SCN7A: variants seen among roughly 807,000 people sequenced by gnomAD.
SCN7A encodes the protein sodium channel protein type 7 subunit alpha.
Under a neutral mutation model 155.2 loss-of-function variants are expected in SCN7A, and 138 were observed. The ratio of observed to expected loss-of-function variants is 0.89; its 90% CI spans 0.77 to 1.02. The LOEUF (loss-of-function observed/expected upper bound fraction) is 1.02. Among genes scored for constraint, SCN7A ranks in the 50% least tolerant of loss-of-function variants. The pLI is 0.00. For missense variants in SCN7A, 2,058 were observed against 1,986.6 expected, an observed-to-expected ratio of 1.04 and a Z score of -0.68; for synonymous variants, 693 against 649.0, an observed-to-expected ratio of 1.07 and a Z score of -1.03.
At chr2:166,426,812 T>G (rs2105401268) in intron 18 of SCN7A, among the ~76,000 whole-genome samples, 1 of 152,150 alleles carries the variant, frequency 6.6e-6, no homozygotes, top group Middle Eastern at 3.4e-3. Flanking sequence ...GTGAAAATCA[T>G]TCCTGCTGCA....
In SCN7A at chr2:166,429,161, T is replaced by G. The variant is rs1023433039; in HGVS notation, c.2698+8A>C. ...AGTTTCCTAGCAAGATTAACAAAAT[T>G]TTCTTACCATTTTTCAGATGCTTTG... On this transcript the variant is annotated splice_region_variant and intron_variant, in intron 17 of 25. Coordinates refer to ENST00000643258, the MANE Select transcript of SCN7A (RefSeq NM_002976.4). 6.7e-7 allele frequency: 1 copy of G among 1,497,156 alleles called. No homozygotes were observed. The highest frequency in any genetic ancestry group is 1.4e-5 in the African/African-American group (1 of 70,488). The allele number at this position is 1,497,156 out of a possible 1,614,324, so 92.7% of individuals were successfully genotyped here. A position where few individuals can be genotyped will look rare whatever the true frequency, so the allele number is the denominator to read the frequency against.
chr2:166,424,239 A>C (rs1701573525), intron 18 of SCN7A, among the ~76,000 whole-genome samples: 1 of 152,092 alleles, frequency 6.6e-6, no homozygotes, highest in South Asian at 2.1e-4. Flanking sequence ...AGTTCTTAAA[A>C]ATTTTATTTT....
In SCN7A at chr2:166,429,157, A is replaced by C; in HGVS notation, c.2698+12T>G. ...AATTAGTTTCCTAGCAAGATTAACA[A>C]AATTTTCTTACCATTTTTCAGATGC... On this transcript the variant is annotated intron_variant, in intron 17 of 25. Coordinates refer to ENST00000643258, the MANE Select transcript of SCN7A (RefSeq NM_002976.4). 2 of 1,490,582 alleles carry C rather than the reference A, an allele frequency of 1.3e-6. No homozygotes were observed. The highest frequency in any genetic ancestry group is 2.8e-5 in the African/African-American group (2 of 70,598). The allele number at this position is 1,490,582 out of a possible 1,614,324, so 92.3% of individuals were successfully genotyped here. A position where few individuals can be genotyped will look rare whatever the true frequency, so the allele number is the denominator to read the frequency against.
intron 6 of SCN7A, among the ~76,000 whole-genome samples, chr2:166,471,798 AC>A (rs1362409381): frequency 6.6e-6 from 1 of 151,576 alleles, no homozygotes; most frequent in East Asian, 1.9e-4. Flanking sequence ...CAATGTAGCT[AC>A]ATGCAACGTA....
chr2:166,418,283 GCTT>G (rs1270817883), intron 20 of SCN7A, among the ~76,000 whole-genome samples: 2 of 119,878 alleles, frequency 1.7e-5, no homozygotes, highest in Non-Finnish European at 3.3e-5. Context: ...ACCCCGCCAG[GCTT>G]TTTTTTTTTT....
intron 18 of SCN7A, among the ~76,000 whole-genome samples, chr2:166,425,398 G>A (rs896048573): frequency 3.9e-5 from 6 of 152,040 alleles, no homozygotes; most frequent in Middle Eastern, 3.2e-3. Flanking sequence ...GAGCTTTCCT[G>A]GTAGTGTATC....
At chr2:166,483,860 C>A (rs1223763610) in intron 2 of SCN7A, among the ~76,000 whole-genome samples, 1 of 151,822 alleles carries the variant, frequency 6.6e-6, no homozygotes. Flanking sequence ...AATTTAGGTA[C>A]TCAAATCTGT....
intron 23 of SCN7A, 32 bp downstream of exon 23, chr2:166,412,498 A>C: frequency 2.2e-6 from 3 of 1,382,490 alleles, no homozygotes; most frequent in Non-Finnish European, 2.8e-6. Flanking sequence ...ATTTTCTCAG[A>C]CATTGGATAA....
rs1167977438 is a variant in SCN7A, at chr2:166,443,654, G to T, written c.1649C>A (p.Ala550Glu). The T allele has an allele frequency of 1.3e-6, 2 of 1,543,950 alleles. No individual in the cohort carries two copies. Among genetic ancestry groups the T allele is most frequent in the South Asian group, 1.2e-5 (1 of 81,236 alleles). The change falls in exon 14 of 26, where the codon GCA becomes GAA. Residue 550 changes from alanine to glutamate, a missense_variant. Ala to Glu is a moderately radical substitution (Grantham distance 107). Transcript: ENST00000643258. ...GNLVFIGIFT[A>E]EMIFKIIAMH... ...TGCAATTATTTTAAAAATCATTTCT[G>T]CTGTGAAAATTCCAATGAAAACCTA...
At chr2:166,465,094 C>A (rs1261415502) in intron 9 of SCN7A, among the ~76,000 whole-genome samples, 1 of 152,090 alleles carries the variant, frequency 6.6e-6, no homozygotes, top group Non-Finnish European at 1.5e-5. Flanking sequence ...TGAATGTGAT[C>A]GATATCCTCA....
chr2:166,444,750 T>C lies in SCN7A; in HGVS notation c.1626+12A>G, dbSNP rs187133395. 485 of 1,390,646 alleles carry C rather than the reference T, an allele frequency of 3.5e-4. No individual in the cohort carries two copies. In the Admixed American group the frequency reaches 8.8e-3, roughly 25 times the overall value. 86.1% of individuals were successfully genotyped at this position (1,390,646 alleles called of 1,614,324 possible). ...AACTGCAAATGAAAATAATGTACAA[T>C]GAGAGTCTTACCAGGTTTCCAATGT... On this transcript the variant is annotated intron_variant, in intron 13 of 25. Coordinates refer to ENST00000643258, the MANE Select transcript of SCN7A (RefSeq NM_002976.4).
At chr2:166,437,024 A>C (rs1411113855) in intron 15 of SCN7A, among the ~76,000 whole-genome samples, 2 of 152,262 alleles carry the variant, frequency 1.3e-5, no homozygotes, top group African/African-American at 4.8e-5. Flanking sequence ...TGGCTGCATA[A>C]ATTTGCACAA....
intron 16 of SCN7A, among the ~76,000 whole-genome samples, chr2:166,431,874 C>T (rs1701738678): frequency 6.6e-6 from 1 of 152,048 alleles, no homozygotes; most frequent in South Asian, 2.1e-4. Flanking sequence ...CTAATTCAAT[C>T]TCCCATTTTA....
In SCN7A at chr2:166,473,847, C is replaced by T. The variant is rs1440034155; in HGVS notation, c.395G>A (p.Cys132Tyr). The part of the protein sequence containing the change: ...LFILISVLID[C>Y]VFMSLTNLPK... ...CAAATTAGTCAGGGACATGAATACG[C>T]AATCAATCAGGACACTAATTAGAAT... Residue 132 changes from cysteine (C) to tyrosine (Y), a missense_variant, in exon 5 of 26, where the codon TGC becomes TAC. Physicochemically the swap from Cys to Tyr is radical, Grantham distance 194 (BLOSUM62 -2). Transcript: ENST00000643258. The T allele has an allele frequency of 4.5e-6, 7 of 1,564,500 alleles. No individual in the cohort carries two copies. The highest frequency in any genetic ancestry group is 6.1e-6 in the Non-Finnish European group (7 of 1,151,534).
At chr2:166,413,015 A>C in intron 22 of SCN7A, 53 bp downstream of exon 22, 1 of 1,314,060 alleles carries the variant, frequency 7.6e-7, no homozygotes, top group Non-Finnish European at 1.1e-6. Flanking sequence ...TCGAATTGCA[A>C]AAATGACTTT....
chr2:166,409,545 C>A, intron 25 of SCN7A, 120 bp downstream of exon 25: 4 of 752,554 alleles, frequency 5.3e-6, no homozygotes, highest in South Asian at 4.8e-5. Context: ...ACCTGTTTTG[C>A]TTATTAGGAG....
chr2:166,465,926 G>A lies in SCN7A; in HGVS notation c.726C>T (p.Ile242=), dbSNP rs541727773. 6.2e-7 allele frequency: 1 copy of A among 1,613,658 alleles called. No homozygotes were observed. The highest frequency in any genetic ancestry group is 8.5e-7 in the Non-Finnish European group (1 of 1,179,752). The part of the protein sequence containing the change: ...HCLKQLIGVI[I]LTLFFLSIFS... ...ATATGCTCAGAAAAAACAGAGTTAG[G>A]ATAATGACACCAATAAGCTGCTTCA... Residue 242 remains isoleucine, a synonymous_variant, in exon 8 of 26, where the codon ATC becomes ATT. Coordinates refer to ENST00000643258, the MANE Select transcript of SCN7A (RefSeq NM_002976.4).
At chr2:166,468,706 A>G (rs1575055440) in intron 7 of SCN7A, among the ~76,000 whole-genome samples, 3 of 121,342 alleles carry the variant, frequency 2.5e-5, no homozygotes, top group African/African-American at 8.1e-5. Flanking sequence ...AGATATTCTG[A>G]AAAGATACAC....
intron 23 of SCN7A, among the ~76,000 whole-genome samples, chr2:166,410,912 A>G (rs1264094804): frequency 6.6e-6 from 1 of 151,958 alleles, no homozygotes; most frequent in Non-Finnish European, 1.5e-5. Flanking sequence ...GAATAATGTC[A>G]CGTCCTAGGA....
Sources: gnomAD v4.1 joint callset for allele counts (sites outside exome capture counted in the v4.1 genomes callset) on GRCh38, gnomAD v4.1.1 for gene constraint, MANE v1.5 for transcripts, NCBI Gene and HGNC (gene_info 2026-07-23, HGNC 2026-07-21) for gene names.